PYGO1: variants seen among roughly 807,000 people sequenced by gnomAD.
The protein encoded by PYGO1 is pygopus homolog 1.
Under a neutral mutation model 29.5 loss-of-function variants are expected in PYGO1, and 6 were observed. The ratio of observed to expected loss-of-function variants is 0.20; its 90% CI spans 0.11 to 0.40. PYGO1 has a LOEUF of 0.40. PYGO1 is among the 10% of genes least tolerant of loss of function. The pLI is 1.00. For missense variants in PYGO1, 515 were observed against 514.9 expected, an observed-to-expected ratio of 1.00 and a Z score of 0.00; for synonymous variants, 186 against 180.5, an observed-to-expected ratio of 1.03 and a Z score of -0.24.
intron 1 of PYGO1, among the ~76,000 whole-genome samples, chr15:55,552,930 T>G (rs1355090080): frequency 6.6e-6 from 1 of 152,100 alleles, no homozygotes; most frequent in Non-Finnish European, 1.5e-5. Flanking sequence ...CCTCCCAAGT[T>G]AAGATCCACT....
chr15:55,543,123 GA>G lies in PYGO1; in HGVS notation c.*2899del, dbSNP rs2058835332. The G allele has an allele frequency of 6.6e-6, 1 of 151,812 alleles. No individual in the cohort carries two copies. The highest frequency in any genetic ancestry group is 2.1e-4 in the South Asian group (1 of 4,826). The allele number at this position is 151,812 out of a possible 1,614,324, so 9.4% of individuals were successfully genotyped here. A position where few individuals can be genotyped will look rare whatever the true frequency, so the allele number is the denominator to read the frequency against. ...TGTAAGATGAGGACTTTCAGTGAAGGAAAGGGATTATACCAAAAAAGGTACA... is the reference window on the plus strand; with the variant it reads ...TGTAAGATGAGGACTTTCAGTGAAGGAAGGGATTATACCAAAAAAGGTACA... On this transcript the variant is annotated 3_prime_UTR_variant, in exon 3 of 3. Coordinates refer to ENST00000563719, the MANE Select transcript of PYGO1 (RefSeq NM_001367806.1).
intron 1 of PYGO1, among the ~76,000 whole-genome samples, chr15:55,564,055 T>C (rs1050407561): frequency 2.0e-5 from 3 of 152,178 alleles, no homozygotes; most frequent in Admixed American, 1.3e-4. Flanking sequence ...GATCCAGCAA[T>C]TCCTCTCCTA....
rs2058824443 is a variant in PYGO1, at chr15:55,540,505, G to C, written c.*5518C>G. On this transcript the variant is annotated 3_prime_UTR_variant, in exon 3 of 3. Coordinates refer to ENST00000563719, the MANE Select transcript of PYGO1 (RefSeq NM_001367806.1). ...TTTTAAGATTTATTGTATTACAAGT[G>C]TCATGAGTTGGTAACACTAAAATTT... The C allele has an allele frequency of 6.6e-6, 1 of 152,014 alleles. No homozygotes were observed. The highest frequency in any genetic ancestry group is 2.1e-4 in the South Asian group (1 of 4,824). 9.4% of individuals were successfully genotyped at this position (152,014 alleles called of 1,614,324 possible). A position where few individuals can be genotyped will look rare whatever the true frequency, so the allele number is the denominator to read the frequency against.
chr15:55,571,908 T>C (rs1284279734), intron 1 of PYGO1, among the ~76,000 whole-genome samples: 2 of 152,158 alleles, frequency 1.3e-5, no homozygotes, highest in African/African-American at 4.8e-5. Flanking sequence ...TAAAAAACAA[T>C]GTTATTTTGT....
In PYGO1 at chr15:55,546,549, G is replaced by T. The variant is rs1216267565; in HGVS notation, c.734C>A (p.Ala245Glu). Residue 245 changes from alanine (A) to glutamate (E), a missense_variant, in exon 3 of 3, where the codon GCA (alanine) becomes GAA (glutamate). Ala to Glu is a moderately radical substitution (Grantham distance 107). Coordinates refer to ENST00000563719, the MANE Select transcript of PYGO1 (RefSeq NM_001367806.1). ...GGAATTTTGATTAGTGTTTTTGGTT[G>T]CTCCTTGAGTAAAGTCTTGTTTTGG... ...PPPKQDFTQG[A>E]TKNTNQNSSA... is the part of the protein sequence containing the mutation. 2 of 1,614,056 alleles carry T rather than the reference G, an allele frequency of 1.2e-6. No homozygotes were observed. The highest frequency in any genetic ancestry group is 2.2e-5 in the East Asian group (1 of 44,882).
chr15:55,576,128 T>C (rs528947287), intron 1 of PYGO1, among the ~76,000 whole-genome samples: 1 of 152,336 alleles, frequency 6.6e-6, no homozygotes, highest in South Asian at 2.1e-4. Flanking sequence ...CTATCATTAC[T>C]ATTAACATCA....
At chr15:55,583,439 C>A (rs908074159) in intron 1 of PYGO1, among the ~76,000 whole-genome samples, 1 of 148,810 alleles carries the variant, frequency 6.7e-6, no homozygotes, top group Non-Finnish European at 1.5e-5. Flanking sequence ...CTATGTCTTT[C>A]TGTCTACCAT....
At chr15:55,557,067 T>C (rs2058909300) in intron 1 of PYGO1, among the ~76,000 whole-genome samples, 1 of 150,682 alleles carries the variant, frequency 6.6e-6, no homozygotes, top group Admixed American at 6.6e-5. Context: ...GAGGTACAAC[T>C]GAAACTGTTC....
At chr15:55,563,496 A>G (rs1567055189) in intron 1 of PYGO1, among the ~76,000 whole-genome samples, 1 of 151,238 alleles carries the variant, frequency 6.6e-6, no homozygotes, top group Non-Finnish European at 1.5e-5. Context: ...CCTCGTGAAT[A>G]GTGCGCCACC....
chr15:55,574,636 G>A (rs1469690645), intron 1 of PYGO1, among the ~76,000 whole-genome samples: 1 of 111,686 alleles, frequency 9.0e-6, no homozygotes, highest in Non-Finnish European at 1.9e-5. Flanking sequence ...GTTGTTCAAA[G>A]GTATACTGTA....
upstream of PYGO1, chr15:55,588,826 G>C: frequency 2.5e-6 from 4 of 1,613,934 alleles, no homozygotes; most frequent in South Asian, 1.1e-5. Flanking sequence ...CTTTGTAAGC[G>C]GGAGCTGGAG....
In PYGO1 at chr15:55,544,153, T is replaced by C. The variant is rs1280377522; in HGVS notation, c.*1870A>G. The C allele has an allele frequency of 6.6e-6, 1 of 152,180 alleles. No individual in the cohort carries two copies. Among genetic ancestry groups the C allele is most frequent in the African/African-American group, 2.4e-5 (1 of 41,452 alleles). 9.4% of individuals were successfully genotyped at this position (152,180 alleles called of 1,614,324 possible). On this transcript the variant is annotated 3_prime_UTR_variant, in exon 3 of 3. Coordinates refer to ENST00000563719, the MANE Select transcript of PYGO1 (RefSeq NM_001367806.1). Reference sequence around the variant, plus strand: ...AGTCAAGGGTAAATGGAGAAAACCTTGTATTACCTTGTACCATATGAAATT... The same window carrying C: ...AGTCAAGGGTAAATGGAGAAAACCTCGTATTACCTTGTACCATATGAAATT...
intron 1 of PYGO1, among the ~76,000 whole-genome samples, chr15:55,557,724 C>A (rs2058912828): frequency 6.6e-6 from 1 of 152,132 alleles, no homozygotes; most frequent in African/African-American, 2.4e-5. Context: ...AGCATATAAA[C>A]AGAACCAAAG....
At position 55,587,930 on chromosome 15, in the gene PYGO1, C is replaced by A; in HGVS notation, c.-47G>T. On this transcript the variant is annotated 5_prime_UTR_variant, in exon 1 of 3. Transcript: ENST00000563719. ...CCCCCCCAGGCCGCGGGAATTCGGT[C>A]TCTTTGATGCTGCGGCGGCGGCTCC... 6.9e-7 allele frequency: 1 copy of A among 1,457,210 alleles called. No individual in the cohort carries two copies. Among genetic ancestry groups the A allele is most frequent in the South Asian group, 1.3e-5 (1 of 76,620 alleles). 90.3% of individuals were successfully genotyped at this position (1,457,210 alleles called of 1,614,324 possible). A position where few individuals can be genotyped will look rare whatever the true frequency, so the allele number is the denominator to read the frequency against.
At chr15:55,583,999 CCTTT>C (rs2059036166) in intron 1 of PYGO1, among the ~76,000 whole-genome samples, 1 of 152,010 alleles carries the variant, frequency 6.6e-6, no homozygotes. Flanking sequence ...AAGATGTGTT[CCTTT>C]ATTTCCTATA....
At chr15:55,548,441 C>T (rs1351929669) in intron 2 of PYGO1, among the ~76,000 whole-genome samples, 1 of 151,616 alleles carries the variant, frequency 6.6e-6, no homozygotes, top group Non-Finnish European at 1.5e-5. Flanking sequence ...GGCGTGGTGG[C>T]TCACACCTGT....
intron 1 of PYGO1, among the ~76,000 whole-genome samples, chr15:55,572,880 T>A (rs370245884): frequency 0.041 from 6,057 of 146,508 alleles, 148 homozygotes; most frequent in Middle Eastern, 0.053. Flanking sequence ...ACAAAAAAAA[T>A]AAATAAATAA....
In PYGO1 at chr15:55,545,799, CATTT is replaced by C. The variant is rs992933167; in HGVS notation, c.*220_*223del. 4 of 391,450 alleles carry C rather than the reference CATTT, an allele frequency of 1.0e-5. No homozygotes were observed. The highest frequency in any genetic ancestry group is 2.1e-5 in the African/African-American group (1 of 48,262). The allele number at this position is 391,450 out of a possible 1,614,324, so 24.2% of individuals were successfully genotyped here. On this transcript the variant is annotated 3_prime_UTR_variant, in exon 3 of 3. Coordinates refer to ENST00000563719, the MANE Select transcript of PYGO1 (RefSeq NM_001367806.1). ...GTTTGTGATAAATAACAACAACTAA[CATTT>C]ATTTATGTTTCTAAAGCACCCCCAT... is the stretch of plus-strand genomic sequence containing the variant.
At chr15:55,548,047 T>A (rs756000916) in intron 2 of PYGO1, among the ~76,000 whole-genome samples, 8 of 151,920 alleles carry the variant, frequency 5.3e-5, no homozygotes, top group Non-Finnish European at 1.0e-4. Flanking sequence ...TGAGACAGAG[T>A]CTCACGCTGT....
Sources: allele counts gnomAD v4.1 joint callset (sites outside exome capture counted in the v4.1 genomes callset), GRCh38; gene constraint gnomAD v4.1.1; transcripts MANE v1.5; gene names NCBI Gene and HGNC (gene_info 2026-07-23, HGNC 2026-07-21).